The following FGF14 variants were observed in gnomAD, a reference collection of about 807,000 sequenced individuals.
FGF14 encodes fibroblast growth factor homologous factor 4.
FGF14 carries 5 observed loss-of-function variants against 25.5 expected under a neutral mutation model. The observed-to-expected ratio is 0.20, with a 90% CI of 0.10 to 0.41. The LOEUF (loss-of-function observed/expected upper bound fraction) is 0.41. Among genes scored for constraint, FGF14 ranks in the 10% least tolerant of loss-of-function variants. The probability of loss-of-function intolerance (pLI) is 1.00; values close to 1 mark genes in which losing one functional copy is unlikely to be tolerated. For missense variants in FGF14, 222 were observed against 320.1 expected (o/e 0.69, Z 2.34); for synonymous variants, 138 against 118.3 (o/e 1.17, Z -1.08).
chr13:102,061,238 C>G (rs1020139590), intron 1 of FGF14, among the ~76,000 whole-genome samples: 2 of 152,232 alleles, frequency 1.3e-5, no homozygotes, highest in Non-Finnish European at 2.9e-5. Context: ...GGCAGAAGGT[C>G]TAACTGAGCT....
At chr13:102,233,922 A>G (rs1205907300) in intron 1 of FGF14, among the ~76,000 whole-genome samples, 1 of 152,200 alleles carries the variant, frequency 6.6e-6, no homozygotes, top group Non-Finnish European at 1.5e-5. Context: ...TCAACTGTTA[A>G]ATAAACTATG....
intron 1 of FGF14, among the ~76,000 whole-genome samples, chr13:102,283,719 T>C (rs2053959845): frequency 2.0e-5 from 3 of 152,220 alleles, no homozygotes; most frequent in Non-Finnish European, 4.4e-5. Flanking sequence ...AAAATTTCTT[T>C]TCTCTAACGG....
intron 1 of FGF14, among the ~76,000 whole-genome samples, chr13:102,185,897 C>G (rs2048854982): frequency 6.6e-6 from 1 of 152,146 alleles, no homozygotes; most frequent in Non-Finnish European, 1.5e-5. Context: ...CACTGTTTAA[C>G]CCTTTCATAC....
At chr13:102,323,957 A>ATGTATGTGTGTGTGTGTG (rs1450436394) in intron 1 of FGF14, among the ~76,000 whole-genome samples, 1 of 136,422 alleles carries the variant, frequency 7.3e-6, no homozygotes, top group Non-Finnish European at 1.6e-5. Context: ...AACGTGCAGT[A>ATGTATGTGTGTGTGTGTG]TGTGTGTGTG....
intron 3 of FGF14, among the ~76,000 whole-genome samples, chr13:101,798,441 T>C (rs145470534): frequency 3.4e-4 from 52 of 152,266 alleles, no homozygotes; most frequent in African/African-American, 1.2e-3. Flanking sequence ...AGCTCAATTA[T>C]GTTGATCATA....
chr13:102,261,581 G>A (rs2052719240), intron 1 of FGF14, among the ~76,000 whole-genome samples: 1 of 152,166 alleles, frequency 6.6e-6, no homozygotes, highest in Non-Finnish European at 1.5e-5. Context: ...AAAGATGACA[G>A]CAGGCCTCAG....
intron 1 of FGF14, among the ~76,000 whole-genome samples, chr13:101,885,799 C>T (rs2045960491): frequency 6.6e-6 from 1 of 152,008 alleles, no homozygotes; most frequent in South Asian, 2.1e-4. Flanking sequence ...GCAGCTAGCC[C>T]TCAATGAACC....
At chr13:102,265,987 C>T (rs2052971976) in intron 1 of FGF14, among the ~76,000 whole-genome samples, 1 of 151,692 alleles carries the variant, frequency 6.6e-6, no homozygotes, top group Non-Finnish European at 1.5e-5. Flanking sequence ...ATTACAATTG[C>T]AATGAAATTG....
At chr13:102,105,737 G>A (rs1379372) in intron 1 of FGF14, among the ~76,000 whole-genome samples, 2,375 of 152,130 alleles carry the variant, frequency 0.016, 38 homozygotes, top group Admixed American at 0.047. Context: ...CTTATTAAGC[G>A]GAAAAAATTA....
At chr13:102,255,511 AG>A (rs1159635668) in intron 1 of FGF14, among the ~76,000 whole-genome samples, 2 of 152,184 alleles carry the variant, frequency 1.3e-5, no homozygotes, top group Non-Finnish European at 2.9e-5. Flanking sequence ...GAAAGAAAAG[AG>A]GCTGTCATGT....
intron 1 of FGF14, chr13:102,367,627 C>T (rs1048047891): frequency 1.3e-5 from 2 of 152,168 alleles, no homozygotes; most frequent in African/African-American, 2.4e-5. Flanking sequence ...CCAAATTACT[C>T]GGAGTGTGTG....
At chr13:101,862,842 A>C (rs533385342) in intron 3 of FGF14, among the ~76,000 whole-genome samples, 1 of 152,158 alleles carries the variant, frequency 6.6e-6, no homozygotes, top group Admixed American at 6.6e-5. Flanking sequence ...ATGTGAAAGA[A>C]GTCACAGAAA....
At chr13:102,234,953 T>C (rs2051262948) in intron 1 of FGF14, among the ~76,000 whole-genome samples, 2 of 152,162 alleles carry the variant, frequency 1.3e-5, no homozygotes, top group African/African-American at 2.4e-5. Context: ...CAGAGGAACA[T>C]GAACTCTGCT....
intron 1 of FGF14, among the ~76,000 whole-genome samples, chr13:102,173,145 T>C (rs1035541925): frequency 6.6e-6 from 1 of 151,636 alleles, no homozygotes; most frequent in Non-Finnish European, 1.5e-5. Flanking sequence ...ATAGCAAAAA[T>C]AAAAAATAAT....
At position 101,715,715 on chromosome 13, in the gene FGF14, G is replaced by T. The variant is rs1427490901; in HGVS notation, c.*7116C>A. 3 of 1,057,602 alleles carry T rather than the reference G, an allele frequency of 2.8e-6. No individual in the cohort carries two copies. The highest frequency in any genetic ancestry group is 1.3e-5 in the South Asian group (1 of 79,384). The allele number at this position is 1,057,602 out of a possible 1,614,324, so 65.5% of individuals were successfully genotyped here. On this transcript the variant is annotated 3_prime_UTR_variant, in exon 5 of 5. Transcript: ENST00000376143. ...CTGGGCCATTAGAACAGATAAATGCGAAGGAAACCATGTATATTCACCACT... is the reference window on the plus strand; with the variant it reads ...CTGGGCCATTAGAACAGATAAATGCTAAGGAAACCATGTATATTCACCACT...
rs189407491 is a variant in FGF14, at chr13:101,721,037, C to T, written c.*1794G>A. The T allele has an allele frequency of 6.6e-6, 1 of 152,134 alleles. No individual in the cohort carries two copies. The highest frequency in any genetic ancestry group is 1.9e-4 in the East Asian group (1 of 5,164). The allele number at this position is 152,134 out of a possible 1,614,324, so 9.4% of individuals were successfully genotyped here. A position where few individuals can be genotyped will look rare whatever the true frequency, so the allele number is the denominator to read the frequency against. On this transcript the variant is annotated 3_prime_UTR_variant, in exon 5 of 5. Transcript: ENST00000376143. ...TGACAAAATAATTTCCCAATAAATA[C>T]AGTGCAGATGGGGAAAATGATGACT...
chr13:102,364,107 A>G (rs1213650143), intron 1 of FGF14, among the ~76,000 whole-genome samples: 3 of 152,218 alleles, frequency 2.0e-5, no homozygotes, highest in African/African-American at 7.2e-5. Flanking sequence ...CTTTTTTATT[A>G]TAAGGAAGAT....
intron 1 of FGF14, among the ~76,000 whole-genome samples, chr13:102,064,144 G>T (rs2042804405): frequency 1.3e-5 from 2 of 152,122 alleles, no homozygotes; most frequent in Admixed American, 6.5e-5. Flanking sequence ...GTTTAGGAAA[G>T]AACTGATATT....
chr13:102,232,061 C>T (rs2051108851), intron 1 of FGF14, among the ~76,000 whole-genome samples: 1 of 152,046 alleles, frequency 6.6e-6, no homozygotes, highest in South Asian at 2.1e-4. Flanking sequence ...TCCTTATTCC[C>T]ACTTGTTTTG....
Sources: allele counts gnomAD v4.1 joint callset (sites outside exome capture counted in the v4.1 genomes callset), GRCh38; gene constraint gnomAD v4.1.1; transcripts MANE v1.5; gene names NCBI Gene and HGNC (gene_info 2026-07-23, HGNC 2026-07-21).